Variants in DSCAML1 observed in about 807,000 individuals in gnomAD.
DSCAML1 encodes DS cell adhesion molecule like 1, also known as cell adhesion molecule DSCAML1.
A neutral mutation model predicts 200.5 loss-of-function variants in DSCAML1; 38 were observed. The observed-to-expected ratio is 0.19, with a 90% confidence interval of 0.15 to 0.25. The LOEUF (loss-of-function observed/expected upper bound fraction) is 0.25. Among genes scored for constraint, DSCAML1 ranks in the 10% least tolerant of loss-of-function variants. DSCAML1 has a pLI of 1.00. For synonymous variants in DSCAML1, 1,215 were observed against 1,165.0 expected (o/e 1.04, Z -0.87); for missense variants, 2,223 against 2,858.8 (o/e 0.78, Z 5.07).
At chr11:117,562,881 T>C (rs1305594348) in intron 3 of DSCAML1, among the ~76,000 whole-genome samples, 7 of 152,144 alleles carry the variant, frequency 4.6e-5, no homozygotes, top group Non-Finnish European at 7.4e-5. Flanking sequence ...ACAGGTGTGC[T>C]ACACCACACC....
intron 20 of DSCAML1, among the ~76,000 whole-genome samples, chr11:117,449,405 T>C (rs1027540904): frequency 4.6e-5 from 7 of 152,178 alleles, no homozygotes; most frequent in East Asian, 1.9e-4. Flanking sequence ...CCTCTGGTAA[T>C]AGAACTCTGG....
chr11:117,814,982 T>C (rs530169789), intron 1 of DSCAML1, among the ~76,000 whole-genome samples: 1 of 152,336 alleles, frequency 6.6e-6, no homozygotes, highest in South Asian at 2.1e-4. Flanking sequence ...GGTTACTGAT[T>C]GATAGGCCAT....
intron 3 of DSCAML1, among the ~76,000 whole-genome samples, chr11:117,636,056 T>C (rs1565841473): frequency 6.6e-6 from 1 of 152,102 alleles, no homozygotes; most frequent in Non-Finnish European, 1.5e-5. Flanking sequence ...TATGTGCGGA[T>C]CACAACTGGT....
At chr11:117,517,179 C>T (rs1057228564) in intron 7 of DSCAML1, among the ~76,000 whole-genome samples, 1 of 152,072 alleles carries the variant, frequency 6.6e-6, no homozygotes, top group Non-Finnish European at 1.5e-5. Context: ...TGATCTCGTA[C>T]CCAAAAGGAA....
intron 3 of DSCAML1, among the ~76,000 whole-genome samples, chr11:117,674,791 T>C (rs1216618942): frequency 6.6e-6 from 1 of 152,134 alleles, no homozygotes; most frequent in Non-Finnish European, 1.5e-5. Context: ...TCAGAGTCTC[T>C]CTGCTGCTAC....
intron 11 of DSCAML1, among the ~76,000 whole-genome samples, chr11:117,485,104 G>C (rs556550330): frequency 1.1e-4 from 16 of 152,118 alleles, no homozygotes; most frequent in Admixed American, 9.2e-4. Context: ...GCCTGGTGCC[G>C]GGAGCCACAG....
At chr11:117,485,957 C>G (rs1691112538) in intron 11 of DSCAML1, among the ~76,000 whole-genome samples, 1 of 152,194 alleles carries the variant, frequency 6.6e-6, no homozygotes, top group Non-Finnish European at 1.5e-5. Flanking sequence ...GCTGGCCGGT[C>G]CTAGCTTGAT....
intron 1 of DSCAML1, among the ~76,000 whole-genome samples, chr11:117,809,842 C>T (rs912725484): frequency 2.0e-5 from 3 of 151,994 alleles, no homozygotes; most frequent in Non-Finnish European, 2.9e-5. Context: ...CTCACACAGT[C>T]ACATACACAC....
At chr11:117,599,707 G>A (rs1404082650) in intron 3 of DSCAML1, among the ~76,000 whole-genome samples, 1 of 152,208 alleles carries the variant, frequency 6.6e-6, no homozygotes, top group Non-Finnish European at 1.5e-5. Flanking sequence ...CTCAGTAAGG[G>A]CTGCAGGACC....
At position 117,780,236 on chromosome 11, in the gene DSCAML1, GAAAGAAAGAAAGAAAGAAA is replaced by G. The variant is rs2055215730; in HGVS notation, c.364+238_364+256del. Among the ~76,000 whole-genome samples, 1 of 52,734 alleles carries G rather than the reference GAAAGAAAGAAAGAAAGAAA, an allele frequency of 1.9e-5. No individual in the cohort carries two copies. The highest frequency in any genetic ancestry group is 7.4e-5 in the African/African-American group (1 of 13,494). 34.6% of individuals were successfully genotyped at this position (52,734 alleles called of 152,430 possible). On this transcript the variant is annotated intron_variant, in intron 2 of 32. Coordinates refer to ENST00000651296, the MANE Select transcript of DSCAML1 (RefSeq NM_020693.4). This position sits in a 1 kb window ranked among gnomAD's most constrained non-coding sequence, Gnocchi z 4.8. ...GAGAGAGAGAAAGAAAGAAAGGAAAGAAAGAAAGAAAGAAAGAAAGAAAGAAAGAAAGAAAGAAAGAAAG... is the reference window on the plus strand; with the variant it reads ...GAGAGAGAGAAAGAAAGAAAGGAAAGGAAAGAAAGAAAGAAAGAAAGAAAG...
chr11:117,692,734 C>T (rs1034606404), intron 3 of DSCAML1, among the ~76,000 whole-genome samples: 1 of 152,202 alleles, frequency 6.6e-6, no homozygotes, highest in African/African-American at 2.4e-5. Context: ...CCTGCTCGCA[C>T]ACCTTTAGCG....
At chr11:117,536,108 G>A (rs915904106) in intron 3 of DSCAML1, among the ~76,000 whole-genome samples, 1 of 152,184 alleles carries the variant, frequency 6.6e-6, no homozygotes, top group Non-Finnish European at 1.5e-5. Flanking sequence ...GCAGCCAGGG[G>A]GATGCACAGC....
In DSCAML1 at chr11:117,481,992, T is replaced by C. The variant is rs1040034711; in HGVS notation, c.2530A>G (p.Asn844Asp). 5 of 1,614,006 alleles carry C rather than the reference T, an allele frequency of 3.1e-6. No individual in the cohort carries two copies. In the Admixed American group the frequency reaches 5.0e-5, roughly 16 times the overall value. The stretch of plus-strand genomic sequence containing the variant: ...AGTGTGGAGACGACCTCGTCGCCGT[T>C]GTCCTTGGTGGCGATGGCATACCGC... ...VMRYAIATKD[N>D]GDEVVSTLKL... Residue 844 changes from asparagine (N) to aspartate (D), a missense_variant, in exon 12 of 33, where the codon AAC (asparagine) becomes GAC (aspartate). Asn to Asp is a conservative substitution (Grantham distance 23). Transcript: ENST00000651296.
intron 3 of DSCAML1, among the ~76,000 whole-genome samples, chr11:117,609,307 CTTTCTT>C (rs2051640083): frequency 2.0e-5 from 3 of 146,528 alleles, no homozygotes; most frequent in Admixed American, 6.8e-5. Context: ...TTCTTTCTTT[CTTTCTT>C]TTTTTTTTTT....
At chr11:117,812,549 C>T (rs573863488) in intron 1 of DSCAML1, among the ~76,000 whole-genome samples, 1 of 151,954 alleles carries the variant, frequency 6.6e-6, no homozygotes. Flanking sequence ...CCTTTGCACC[C>T]GTCATCCCAG....
chr11:117,672,314 G>A (rs912973925), intron 3 of DSCAML1, among the ~76,000 whole-genome samples: 17 of 152,110 alleles, frequency 1.1e-4, no homozygotes, highest in African/African-American at 3.6e-4. Flanking sequence ...ATAATTTGGG[G>A]TTGGTATTTG....
At chr11:117,562,031 G>A (rs2050672341) in intron 3 of DSCAML1, among the ~76,000 whole-genome samples, 1 of 152,224 alleles carries the variant, frequency 6.6e-6, no homozygotes, top group African/African-American at 2.4e-5. Flanking sequence ...GGGGCAGGGA[G>A]GAGGCGTAGA....
At chr11:117,457,061 T>C (rs190921616) in intron 19 of DSCAML1, among the ~76,000 whole-genome samples, 1 of 152,320 alleles carries the variant, frequency 6.6e-6, no homozygotes, top group Admixed American at 6.5e-5. Flanking sequence ...GTGGTATTAG[T>C]ACTTGATGAG....
intron 1 of DSCAML1, among the ~76,000 whole-genome samples, chr11:117,782,540 C>T (rs986882817): frequency 2.6e-5 from 4 of 152,182 alleles, no homozygotes; most frequent in East Asian, 1.9e-4. Context: ...CTGCTCTGCA[C>T]GGGACCCTCA....
Sources: allele counts gnomAD v4.1 joint callset (sites outside exome capture counted in the v4.1 genomes callset), GRCh38; gene constraint gnomAD v4.1.1; non-coding constraint Gnocchi (gnomAD v3.1); transcripts MANE v1.5; gene names NCBI Gene and HGNC (gene_info 2026-07-23, HGNC 2026-07-21).